GPR137C: variants seen among roughly 807,000 people sequenced by gnomAD.
The protein encoded by GPR137C is integral membrane protein GPR137C.
A neutral mutation model predicts 43.4 loss-of-function variants in GPR137C; 27 were observed. The ratio of observed to expected loss-of-function variants is 0.62; its 90% confidence interval spans 0.46 to 0.86. GPR137C has a LOEUF of 0.86. Ranked by LOEUF, GPR137C falls within the 40% of genes least tolerant of loss-of-function variation. The probability of loss-of-function intolerance (pLI) is 0.00; values close to 1 mark genes in which losing one functional copy is unlikely to be tolerated. For synonymous variants in GPR137C, 285 were observed against 226.9 expected (o/e 1.26, Z -2.30); for missense variants, 522 against 534.6 (o/e 0.98, Z 0.23).
In GPR137C at chr14:52,632,164, T is replaced by C. The variant is rs1213978697; in HGVS notation, c.722T>C (p.Met241Thr). The part of the protein sequence containing the change: ...SANVYLESKG[M>T]SLCQTVVVGS... ...GATGATTTTTATTTGTTTTAGGGTA[T>C]GTCTCTGTGCCAGACTGTCGTCGTG... The change falls in exon 4 of 7, where the codon ATG (methionine) becomes ACG (threonine). Residue 241 changes from methionine to threonine, a missense_variant. This residue lies in a region of GPR137C where 437 missense variants were observed against 425.7 expected (regional missense o/e 1.03). Coordinates refer to ENST00000321662, the MANE Select transcript of GPR137C (RefSeq NM_001099652.2). 3 of 1,600,122 alleles carry C rather than the reference T, an allele frequency of 1.9e-6. No homozygotes were observed. Among genetic ancestry groups the C allele is most frequent in the Non-Finnish European group, 2.6e-6 (3 of 1,168,734 alleles).
intron 3 of GPR137C, among the ~76,000 whole-genome samples, chr14:52,606,552 C>G (rs944266042): frequency 1.3e-5 from 2 of 152,132 alleles, no homozygotes; most frequent in Non-Finnish European, 2.9e-5. Flanking sequence ...GATCCTCCCA[C>G]CTCAGACTCC....
At chr14:52,563,742 C>T (rs1555346104) in intron 1 of GPR137C, among the ~76,000 whole-genome samples, 28 of 152,024 alleles carry the variant, frequency 1.8e-4, no homozygotes, top group Non-Finnish European at 4.1e-4. Context: ...AAACGTGAGT[C>T]CTTCTCAATA....
chr14:52,576,672 G>A (rs1360940873), intron 1 of GPR137C, among the ~76,000 whole-genome samples: 3 of 152,054 alleles, frequency 2.0e-5, no homozygotes, highest in South Asian at 2.1e-4. Context: ...ACTTAAATTG[G>A]ACTTCAGACC....
At chr14:52,619,276 A>C (rs1007464112) in intron 3 of GPR137C, among the ~76,000 whole-genome samples, 2 of 152,206 alleles carry the variant, frequency 1.3e-5, no homozygotes, top group African/African-American at 4.8e-5. Flanking sequence ...AAATATTATT[A>C]ATATCTCTCT....
At chr14:52,579,539 G>T (rs1257328563) in intron 1 of GPR137C, among the ~76,000 whole-genome samples, 1 of 152,098 alleles carries the variant, frequency 6.6e-6, no homozygotes, top group Non-Finnish European at 1.5e-5. Flanking sequence ...ATCTTTCTTG[G>T]GTAATCATAC....
At chr14:52,616,494 A>G (rs933419477) in intron 3 of GPR137C, among the ~76,000 whole-genome samples, 12 of 152,118 alleles carry the variant, frequency 7.9e-5, no homozygotes, top group African/African-American at 2.9e-4. Context: ...GGGTTTCACC[A>G]CGTTGGCCAG....
At chr14:52,555,795 A>C (rs1249151732) in intron 1 of GPR137C, among the ~76,000 whole-genome samples, 1 of 152,180 alleles carries the variant, frequency 6.6e-6, no homozygotes, top group African/African-American at 2.4e-5. Context: ...TTTTATAATG[A>C]AATTAACAAT....
intron 3 of GPR137C, among the ~76,000 whole-genome samples, chr14:52,622,600 A>G (rs1425078471): frequency 6.6e-6 from 1 of 152,066 alleles, no homozygotes; most frequent in Non-Finnish European, 1.5e-5. Context: ...TTGAAAAAAA[A>G]TATGCCCAGT....
chr14:52,632,340 C>T, intron 4 of GPR137C, 31 bp downstream of exon 4: 1 of 1,532,332 alleles, frequency 6.5e-7, no homozygotes, highest in Non-Finnish European at 8.9e-7. Flanking sequence ...GCCAGTCTAA[C>T]AATGTGATAA....
chr14:52,571,806 C>G (rs182787161), intron 1 of GPR137C, among the ~76,000 whole-genome samples: 2 of 152,054 alleles, frequency 1.3e-5, no homozygotes, highest in Non-Finnish European at 2.9e-5. Flanking sequence ...ATCAATGATT[C>G]CAGGAGCTGG....
intron 1 of GPR137C, among the ~76,000 whole-genome samples, chr14:52,556,057 A>AAG (rs2038187528): frequency 6.6e-6 from 1 of 152,172 alleles, no homozygotes; most frequent in Non-Finnish European, 1.5e-5. Flanking sequence ...GTGGTAGGGA[A>AAG]AGCCTATGTG....
intron 1 of GPR137C, among the ~76,000 whole-genome samples, chr14:52,583,995 GT>G (rs2038681699): frequency 6.6e-6 from 1 of 151,992 alleles, no homozygotes; most frequent in Non-Finnish European, 1.5e-5. Flanking sequence ...TCTTTTATCT[GT>G]TTTTTACCCT....
In GPR137C at chr14:52,581,291, T is replaced by C. The variant is rs536544250; in HGVS notation, c.445-16981T>C. ...GCTCATGCTTGTAATCCCAGCACAC[T>C]GGGAGGCCGAGGCAGGCAGATCACC... On this transcript the variant is annotated intron_variant, in intron 1 of 6. Coordinates refer to ENST00000321662, the MANE Select transcript of GPR137C (RefSeq NM_001099652.2). 2.0e-3 allele frequency among the ~76,000 whole-genome samples: 300 copies of C among 150,052 alleles called. 1 individual carries two copies. Among genetic ancestry groups the C allele is most frequent in the African/African-American group, 7.3e-3 (296 of 40,746 alleles).
At position 52,609,205 on chromosome 14, in the gene GPR137C, T is replaced by C. The variant is rs567620290; in HGVS notation, c.717+8864T>C. On this transcript the variant is annotated intron_variant, in intron 3 of 6. Transcript: ENST00000321662. ...TAACCAATTCTGCTGTTGCTCCCTATTACATCTTTCATTTCATTCAGTGTA... is the reference window on the plus strand; with the variant it reads ...TAACCAATTCTGCTGTTGCTCCCTACTACATCTTTCATTTCATTCAGTGTA... Among the ~76,000 whole-genome samples the C allele has an allele frequency of 8.5e-5, 13 of 152,354 alleles. No homozygotes were observed. In the South Asian group the frequency reaches 2.7e-3, roughly 32 times the overall value.
intron 1 of GPR137C, among the ~76,000 whole-genome samples, chr14:52,588,782 A>G (rs966315302): frequency 3.9e-5 from 6 of 152,234 alleles, no homozygotes; most frequent in African/African-American, 1.2e-4. Context: ...ACATGATAGT[A>G]TACATATTCA....
rs1351383264 is a variant in GPR137C at position 52,635,026 on chromosome 14, C to T, written c.1201C>T (p.Pro401Ser). ...CACAGTCACTCCCCACCTGAATGGACCTATGACAGATACTGCTCCTTTGCT... is the reference window on the plus strand; with the variant it reads ...CACAGTCACTCCCCACCTGAATGGATCTATGACAGATACTGCTCCTTTGCT... ...SYTVTPHLNG[P>S]MTDTAPLLFT... Residue 401 changes from proline to serine, a missense_variant, in exon 7 of 7, where the codon CCT becomes TCT. Pro to Ser is a moderately conservative substitution (Grantham distance 74). Coordinates refer to ENST00000321662, the MANE Select transcript of GPR137C (RefSeq NM_001099652.2). 1.2e-6 allele frequency: 2 copies of T among 1,612,470 alleles called. No homozygotes were observed. Among genetic ancestry groups the T allele is most frequent in the African/African-American group, 1.3e-5 (1 of 74,764 alleles).
intron 1 of GPR137C, among the ~76,000 whole-genome samples, chr14:52,559,675 A>G (rs1330212731): frequency 6.6e-6 from 1 of 152,202 alleles, no homozygotes; most frequent in Non-Finnish European, 1.5e-5. Context: ...AGTCTTAGCC[A>G]TTGCAATAGG....
chr14:52,572,717 A>G (rs912615693), intron 1 of GPR137C, among the ~76,000 whole-genome samples: 2 of 152,208 alleles, frequency 1.3e-5, no homozygotes, highest in African/African-American at 4.8e-5. Flanking sequence ...CTCCCCTCCT[A>G]TTCAACATAG....
At chr14:52,591,536 G>C (rs143300077) in intron 1 of GPR137C, among the ~76,000 whole-genome samples, 5,897 of 152,250 alleles carry the variant, frequency 0.039, 368 homozygotes, top group African/African-American at 0.13. Flanking sequence ...GGTGTGAAAT[G>C]GTGTCTTATT....
Sources: allele counts gnomAD v4.1 joint callset (sites outside exome capture counted in the v4.1 genomes callset), GRCh38; gene constraint gnomAD v4.1.1; regional missense constraint gnomAD v4.1.1; transcripts MANE v1.5; gene names NCBI Gene and HGNC (gene_info 2026-07-23, HGNC 2026-07-21).